The following TLE6 variants were observed in gnomAD, a reference collection of about 807,000 sequenced individuals.
The protein encoded by TLE6 is TLE family member 6, subcortical maternal complex member.
A neutral mutation model predicts 77.1 loss-of-function variants in TLE6; 72 were observed. The ratio of observed to expected loss-of-function variants is 0.93; its 90% confidence interval spans 0.77 to 1.14. The LOEUF is 1.14. Among genes scored for constraint, TLE6 ranks in the 50% most tolerant of loss-of-function variants. TLE6 has a pLI of 0.00. For missense variants in TLE6, 843 were observed against 747.6 expected, an observed-to-expected ratio of 1.13 and a Z score of -1.49; for synonymous variants, 366 against 287.3, an observed-to-expected ratio of 1.27 and a Z score of -2.77.
intron 3 of TLE6, among the ~76,000 whole-genome samples, chr19:2,980,832 C>G (rs907465497): frequency 2.6e-5 from 4 of 151,634 alleles, no homozygotes; most frequent in Admixed American, 2.6e-4. Context: ...AGGAAGATCG[C>G]TTGAGCCCGG....
rs1025539018 is a variant in TLE6 at position 2,995,115 on chromosome 19, C to T, written c.*111C>T. 1.5e-5 allele frequency: 10 copies of T among 686,650 alleles called. No homozygotes were observed. The highest frequency in any genetic ancestry group is 1.0e-4 in the South Asian group (6 of 57,312). The allele number at this position is 686,650 out of a possible 1,614,324, so 42.5% of individuals were successfully genotyped here. ...AAGCGGGAAGGCTCTTCTGTGGCATCGCACGATCTAGTCTGTGGTGTAGAC... is the reference window on the plus strand; with the variant it reads ...AAGCGGGAAGGCTCTTCTGTGGCATTGCACGATCTAGTCTGTGGTGTAGAC... On this transcript the variant is annotated 3_prime_UTR_variant, in exon 17 of 17. Coordinates refer to ENST00000246112, the MANE Select transcript of TLE6 (RefSeq NM_001143986.2).
chr19:2,980,352 G>T, intron 3 of TLE6, 170 bp downstream of exon 3: 1 of 457,790 alleles, frequency 2.2e-6, no homozygotes, highest in South Asian at 3.3e-5. Context: ...ACCCATCCCA[G>T]CTTTTGATTA....
chr19:2,983,190 C>A (rs1400573861), intron 5 of TLE6, among the ~76,000 whole-genome samples: 3 of 152,082 alleles, frequency 2.0e-5, no homozygotes, highest in African/African-American at 7.2e-5. Context: ...CAGGAAGCAA[C>A]CAAAACATGG....
chr19:2,992,814 G>A (rs749358672), intron 14 of TLE6, among the ~76,000 whole-genome samples: 2 of 99,152 alleles, frequency 2.0e-5, no homozygotes, highest in African/African-American at 3.7e-5. Context: ...CGGGTGGGGG[G>A]GGGGGAGGAT....
Position 2,980,017 on chromosome 19 carries a change from C to T in TLE6, c.52-83C>T, listed in dbSNP as rs2088764460. 1.1e-5 allele frequency: 12 copies of T among 1,056,230 alleles called. 1 individual carries two copies. The South Asian group carries it at 1.6e-4, about 14-fold the overall frequency. The allele number at this position is 1,056,230 out of a possible 1,614,324, so 65.4% of individuals were successfully genotyped here. Reference sequence around the variant, plus strand: ...AATTACTTTTGCACCAACCTAATGCCTATGCCATGTTGAGGTGGAGACCGG... The same window carrying T: ...AATTACTTTTGCACCAACCTAATGCTTATGCCATGTTGAGGTGGAGACCGG... On this transcript the variant is annotated intron_variant, in intron 2 of 16. Transcript: ENST00000246112.
Position 2,993,531 on chromosome 19 carries a change from A to C in TLE6, c.1486A>C (p.Met496Leu). The C allele has an allele frequency of 6.3e-7, 1 of 1,590,936 alleles. No homozygotes were observed. The highest frequency in any genetic ancestry group is 1.7e-4 in the Middle Eastern group (1 of 5,990). Reference protein sequence around the residue: ...LQSTSGSQRHMVGQKDSVILS... With the variant: ...LQSTSGSQRHLVGQKDSVILS... ...AAGCACCAGCGGGAGCCAGCGGCAC[A>C]TGGTGGGGCAAAAAGACAGCGTCAT... The change falls in exon 15 of 17, where the codon ATG becomes CTG. Residue 496 changes from methionine to leucine, a missense_variant. Physicochemically the swap from Met to Leu is conservative, Grantham distance 15. Transcript: ENST00000246112.
At chr19:2,989,933 C>T (rs2089007695) in intron 13 of TLE6, 148 bp downstream of exon 13, 1 of 1,148,164 alleles carries the variant, frequency 8.7e-7, no homozygotes, top group Admixed American at 2.7e-5. Context: ...CCCTTGCCCC[C>T]TTGAACTTGG....
chr19:2,981,244 C>A (rs375403998), intron 3 of TLE6, among the ~76,000 whole-genome samples: 5 of 151,412 alleles, frequency 3.3e-5, no homozygotes, highest in African/African-American at 1.2e-4. Flanking sequence ...TCTGTAATCC[C>A]AGCTACTCGG....
Position 2,980,138 on chromosome 19 carries a change from G to C in TLE6, c.90G>C (p.Thr30=), listed in dbSNP as rs992690724. 12 of 1,549,924 alleles carry C rather than the reference G, an allele frequency of 7.7e-6. No individual in the cohort carries two copies. Among genetic ancestry groups the C allele is most frequent in the Non-Finnish European group, 1.0e-5 (12 of 1,145,906 alleles). Residue 30 remains threonine (T), a synonymous_variant, in exon 3 of 17, where the codon ACG becomes ACC. Coordinates refer to ENST00000246112, the MANE Select transcript of TLE6 (RefSeq NM_001143986.2). ...PGISNSESSP[T]LNYQGILNRL... ...TCTCGAACTCTGAGAGCTCTCCGACGCTGAATTATCAGGGCATTCTAAATC... is the reference window on the plus strand; with the variant it reads ...TCTCGAACTCTGAGAGCTCTCCGACCCTGAATTATCAGGGCATTCTAAATC...
rs141406529 is a variant in TLE6 at position 2,989,213 on chromosome 19, C to T, written c.893C>T (p.Thr298Met). ...LVLATAISSF[T>M]RHVFTCGRRG... is the part of the protein sequence containing the mutation. The stretch of plus-strand genomic sequence containing the variant: ...CTCGCCACGGCCATCAGCAGCTTCA[C>T]GCGGCACGTGTTCACCTGTGGCAGA... Residue 298 changes from threonine (T) to methionine (M), a missense_variant, in exon 12 of 17, where the codon ACG becomes ATG. Physicochemically the swap from Thr to Met is moderately conservative, Grantham distance 81 (BLOSUM62 -1). Transcript: ENST00000246112. The T allele has an allele frequency of 2.6e-5, 42 of 1,614,146 alleles. No homozygotes were observed. In the Admixed American group the frequency reaches 4.5e-4, roughly 17 times the overall value.
chr19:2,988,595 C>CA (rs963188077), intron 11 of TLE6, among the ~76,000 whole-genome samples: 32 of 150,674 alleles, frequency 2.1e-4, no homozygotes, highest in South Asian at 4.2e-4. Context: ...GACTCCGTCT[C>CA]AAAAAAAAAG....
In TLE6 at chr19:2,989,411, C is replaced by T. The variant is rs113016567; in HGVS notation, c.993+98C>T. The stretch of plus-strand genomic sequence containing the variant: ...GCCCAGATCGTGGAGAGAGGGCTTC[C>T]AGGGAAAAGGGGCATAATAGCTAGG... On this transcript the variant is annotated intron_variant, in intron 12 of 16. Transcript: ENST00000246112. 1.2e-3 allele frequency: 1,840 copies of T among 1,579,470 alleles called. 18 individuals carry two copies. In the African/African-American group the frequency reaches 0.022, roughly 19 times the overall value.
chr19:2,982,019 G>C, intron 4 of TLE6, 129 bp from the exon 5 acceptor site: 1 of 895,640 alleles, frequency 1.1e-6, no homozygotes. Context: ...AAGTAAAAGA[G>C]AAAACAAGGT....
chr19:2,990,739 A>T (rs1460354836), intron 13 of TLE6, among the ~76,000 whole-genome samples: 1 of 150,846 alleles, frequency 6.6e-6, no homozygotes, highest in African/African-American at 2.4e-5. Flanking sequence ...GGTGTCTCAC[A>T]CCTGTAATCC....
chr19:2,978,662 A>G (rs1451916431), intron 2 of TLE6, among the ~76,000 whole-genome samples: 3 of 152,172 alleles, frequency 2.0e-5, no homozygotes, highest in Admixed American at 6.6e-5. Context: ...AGGCTGAGGC[A>G]GAGGGTTGGC....
chr19:2,992,657 C>T (rs186761616), intron 14 of TLE6, among the ~76,000 whole-genome samples: 203 of 151,240 alleles, frequency 1.3e-3, no homozygotes, highest in Middle Eastern at 6.8e-3. Context: ...TACCTGGGGT[C>T]GCAGCTAGTT....
rs1275804796 is a variant in TLE6 at position 2,986,889 on chromosome 19, G to A, written c.283G>A (p.Glu95Lys). 2.6e-6 allele frequency: 4 copies of A among 1,551,870 alleles called. No individual in the cohort carries two copies. The highest frequency in any genetic ancestry group is 4.9e-5 in the East Asian group (2 of 40,922). Residue 95 changes from glutamate to lysine, a missense_variant and splice_region_variant, in exon 6 of 17, where the codon GAG becomes AAG. Transcript: ENST00000246112. ...CCAACTCCAGGGTTTCCAGTCTGAGGAGGTGAGTTTCTGGGTCTTCAAGGA... is the reference window on the plus strand; with the variant it reads ...CCAACTCCAGGGTTTCCAGTCTGAGAAGGTGAGTTTCTGGGTCTTCAAGGA... ...CSQLQGFQSE[E>K]VSPAEPASPG...
At chr19:2,991,735 T>C in intron 13 of TLE6, 108 bp from the exon 14 acceptor site, 1 of 1,057,030 alleles carries the variant, frequency 9.5e-7, no homozygotes, top group Non-Finnish European at 1.4e-6. Context: ...CAGAGATTTT[T>C]GGGTGGTGGC....
Position 2,995,063 on chromosome 19 carries a change from C to CA in TLE6, c.*59_*60insA, listed in dbSNP as rs937455909. On this transcript the variant is annotated 3_prime_UTR_variant, in exon 17 of 17. Transcript: ENST00000246112. The stretch of plus-strand genomic sequence containing the variant: ...TCTTTTCATCCCCCCCCTTCCCCCC[C>CA]CCCAACAAGGGGGACATGGTGGAGG... 13 of 1,028,246 alleles carry CA rather than the reference C, an allele frequency of 1.3e-5. No homozygotes were observed. Among genetic ancestry groups the CA allele is most frequent in the Non-Finnish European group, 1.7e-5 (12 of 685,918 alleles). The allele number at this position is 1,028,246 out of a possible 1,614,324, so 63.7% of individuals were successfully genotyped here.
Sources: allele counts gnomAD v4.1 joint callset (sites outside exome capture counted in the v4.1 genomes callset), GRCh38; gene constraint gnomAD v4.1.1; transcripts MANE v1.5; gene names NCBI Gene and HGNC (gene_info 2026-07-23, HGNC 2026-07-21).